The following PTPRN2 variants were observed in gnomAD, a reference collection of about 807,000 sequenced individuals.
PTPRN2 encodes the protein receptor-type tyrosine-protein phosphatase N2.
In PTPRN2, 74 loss-of-function variants were observed where a neutral mutation model predicts 118.8. The observed-to-expected ratio is 0.62, with a 90% CI of 0.52 to 0.76. The LOEUF (loss-of-function observed/expected upper bound fraction) is 0.76, where lower values mean the gene tolerates loss of function less well. Ranked by LOEUF, PTPRN2 falls within the 30% of genes least tolerant of loss-of-function variation. The pLI, the probability that PTPRN2 is intolerant of heterozygous loss-of-function variation, is 0.00. For synonymous variants in PTPRN2, 641 were observed against 608.0 expected, an observed-to-expected ratio of 1.05 and a Z score of -0.80; for missense variants, 1,481 against 1,394.4, an observed-to-expected ratio of 1.06 and a Z score of -0.99.
intron 11 of PTPRN2, among the ~76,000 whole-genome samples, chr7:157,972,980 C>T (rs1802457158): frequency 6.6e-6 from 1 of 152,206 alleles, no homozygotes; most frequent in South Asian, 2.1e-4. Context: ...CGTAGGAATT[C>T]ACACCACGAG....
intron 3 of PTPRN2, among the ~76,000 whole-genome samples, chr7:158,271,535 C>T (rs1798516381): frequency 1.3e-5 from 2 of 152,286 alleles, no homozygotes; most frequent in South Asian, 4.1e-4. Flanking sequence ...CACAGCCAAG[C>T]CCCATGGGGC....
At chr7:158,077,504 G>GCC (rs112968821) in intron 11 of PTPRN2, among the ~76,000 whole-genome samples, 1 of 146,576 alleles carries the variant, frequency 6.8e-6, no homozygotes, top group African/African-American at 2.6e-5. Flanking sequence ...CAGGACAGGA[G>GCC]CCCCCCATGA....
At chr7:157,889,846 T>C (rs1258482845) in intron 12 of PTPRN2, among the ~76,000 whole-genome samples, 6 of 152,192 alleles carry the variant, frequency 3.9e-5, no homozygotes, top group Non-Finnish European at 2.9e-5. Context: ...AGCTCTCCTT[T>C]CCCAATTACG....
At chr7:158,195,454 C>T (rs1298795466) in intron 4 of PTPRN2, among the ~76,000 whole-genome samples, 4 of 152,006 alleles carry the variant, frequency 2.6e-5, no homozygotes, top group South Asian at 4.2e-4. Context: ...TTTTAGGGGG[C>T]TTATTGAGCT....
intron 1 of PTPRN2, among the ~76,000 whole-genome samples, chr7:158,527,778 C>T (rs1183031983): frequency 6.6e-6 from 1 of 152,120 alleles, no homozygotes; most frequent in African/African-American, 2.4e-5. Context: ...GGGGCTGGGG[C>T]CAGGCTGTCC....
chr7:158,123,838 G>A (rs1317747161), intron 9 of PTPRN2, among the ~76,000 whole-genome samples: 2 of 152,168 alleles, frequency 1.3e-5, no homozygotes, highest in African/African-American at 2.4e-5. Context: ...CCGTGAACCC[G>A]TGCTGACCCA....
At chr7:157,628,472 A>C (rs1237680973) in intron 14 of PTPRN2, among the ~76,000 whole-genome samples, 1 of 152,196 alleles carries the variant, frequency 6.6e-6, no homozygotes, top group Non-Finnish European at 1.5e-5. Flanking sequence ...AACGCACATG[A>C]ACACACTGGG....
At position 157,718,899 on chromosome 7, in the gene PTPRN2, C is replaced by T. The variant is rs58767558; in HGVS notation, c.1789-35962G>A. 0.013 allele frequency among the ~76,000 whole-genome samples: 1,975 copies of T among 152,318 alleles called. 115 individuals carry two copies. The South Asian group carries it at 0.16, about 12-fold the overall frequency. Reference sequence around the variant, plus strand: ...ACCCACCTTGTCGCTGTGGCCTCTCCGCCTCCTGCAGGTGGCAGCGCTACT... The same window carrying T: ...ACCCACCTTGTCGCTGTGGCCTCTCTGCCTCCTGCAGGTGGCAGCGCTACT... On this transcript the variant is annotated intron_variant, in intron 12 of 22. Transcript: ENST00000389418.
chr7:157,613,437 G>GC (rs1334555797), intron 15 of PTPRN2, among the ~76,000 whole-genome samples: 4 of 152,190 alleles, frequency 2.6e-5, no homozygotes, highest in African/African-American at 9.6e-5. Flanking sequence ...AGCGTGTTGC[G>GC]CCTCCCGCGG....
intron 3 of PTPRN2, among the ~76,000 whole-genome samples, chr7:158,263,402 CATCCACA>C (rs1238923017): frequency 3.0e-4 from 45 of 150,722 alleles, no homozygotes; most frequent in African/African-American, 9.8e-4. Context: ...CATCCACATT[CATCCACA>C]ATGCACAAAC....
At chr7:157,811,132 G>A (rs1806004334) in intron 12 of PTPRN2, among the ~76,000 whole-genome samples, 4 of 151,446 alleles carry the variant, frequency 2.6e-5, no homozygotes, top group East Asian at 1.9e-4. Flanking sequence ...TTAGCCGGGC[G>A]TGGTGGCGGG....
intron 17 of PTPRN2, among the ~76,000 whole-genome samples, chr7:157,579,195 C>A (rs1800217467): frequency 6.6e-6 from 1 of 152,158 alleles, no homozygotes; most frequent in African/African-American, 2.4e-5. Flanking sequence ...GATTTATGTT[C>A]TCACGGGGCT....
At chr7:158,275,495 A>C (rs1458307547) in intron 3 of PTPRN2, among the ~76,000 whole-genome samples, 14 of 152,182 alleles carry the variant, frequency 9.2e-5, no homozygotes, top group African/African-American at 2.4e-5. Context: ...ACTGGCGTGC[A>C]CCCCATGAAT....
At position 158,248,663 on chromosome 7, in the gene PTPRN2, C is replaced by T. The variant is rs570429965; in HGVS notation, c.278-43390G>A. ...CACATATGCACACATCACACCCACA[C>T]AGCACATATGTGCATATATACACCA... On this transcript the variant is annotated intron_variant, in intron 3 of 22. Coordinates refer to ENST00000389418, the MANE Select transcript of PTPRN2 (RefSeq NM_002847.5). 7.4e-5 allele frequency among the ~76,000 whole-genome samples: 11 copies of T among 148,420 alleles called. No individual in the cohort carries two copies. In the East Asian group the frequency reaches 1.8e-3, roughly 25 times the overall value.
intron 3 of PTPRN2, among the ~76,000 whole-genome samples, chr7:158,281,167 T>C (rs996212125): frequency 2.0e-5 from 3 of 152,176 alleles, no homozygotes; most frequent in African/African-American, 7.2e-5. Context: ...GCCGCGCTTA[T>C]AATCCCAGCT....
intron 11 of PTPRN2, among the ~76,000 whole-genome samples, chr7:157,918,596 C>T (rs75899876): frequency 0.013 from 2,022 of 152,204 alleles, 41 homozygotes; most frequent in African/African-American, 0.046. Flanking sequence ...TACAAACTGA[C>T]GCGGCCGGGA....
chr7:158,516,468 T>TGCCTTGCACCCAGCCC (rs1472794492), intron 1 of PTPRN2, among the ~76,000 whole-genome samples: 43 of 152,340 alleles, frequency 2.8e-4, no homozygotes, highest in African/African-American at 9.9e-4. Flanking sequence ...CCTCCCAGCC[T>TGCCTTGCACCCAGCCC]GCCTTGCACC....
At chr7:158,272,690 G>A (rs1030615933) in intron 3 of PTPRN2, among the ~76,000 whole-genome samples, 13 of 152,264 alleles carry the variant, frequency 8.5e-5, no homozygotes, top group Middle Eastern at 3.4e-3. Flanking sequence ...AGGTCTCAGC[G>A]CCACTGCCGG....
At chr7:158,368,938 T>C (rs1008862538) in intron 2 of PTPRN2, among the ~76,000 whole-genome samples, 14 of 152,152 alleles carry the variant, frequency 9.2e-5, no homozygotes, top group Non-Finnish European at 1.5e-4. Flanking sequence ...CCTGGGTGTG[T>C]CTGTGAGGGC....
Sources: gnomAD v4.1 joint callset for allele counts (sites outside exome capture counted in the v4.1 genomes callset) on GRCh38, gnomAD v4.1.1 for gene constraint, MANE v1.5 for transcripts, NCBI Gene and HGNC (gene_info 2026-07-23, HGNC 2026-07-21) for gene names.